Variants in ANKRD26 observed in about 807,000 individuals in gnomAD.
ANKRD26 encodes ankyrin repeat domain 26, also known as ankyrin repeat domain-containing protein 26.
ANKRD26 carries 141 observed loss-of-function variants against 208.7 expected under a neutral mutation model. The ratio of observed to expected loss-of-function variants is 0.68; its 90% CI spans 0.59 to 0.78. The LOEUF (loss-of-function observed/expected upper bound fraction) is 0.78, where lower values mean the gene tolerates loss of function less well. Ranked by LOEUF, ANKRD26 falls within the 30% of genes least tolerant of loss-of-function variation. The probability of loss-of-function intolerance (pLI) is 0.00; values close to 1 mark genes in which losing one functional copy is unlikely to be tolerated. For missense variants in ANKRD26, 1,889 were observed against 1,938.7 expected, an observed-to-expected ratio of 0.97 and a Z score of 0.48; for synonymous variants, 636 against 660.4, an observed-to-expected ratio of 0.96 and a Z score of 0.57.
the ANKRD26 span, among the ~76,000 whole-genome samples, chr10:26,965,622 T>C: frequency 1.3e-5 from 2 of 152,070 alleles, no homozygotes; most frequent in Admixed American, 6.6e-5. Context: ...AAAGCCAAAA[T>C]TGACAAATGG....
At chr10:26,963,494 A>G in the ANKRD26 span, among the ~76,000 whole-genome samples, 1 of 152,290 alleles carries the variant, frequency 6.6e-6, no homozygotes, top group East Asian at 1.9e-4. Context: ...AGTGAAGCTG[A>G]TGATGCTACC....
intron 1 of ANKRD26, among the ~76,000 whole-genome samples, chr10:27,095,815 CTA>C (rs1445394200): frequency 2.0e-5 from 3 of 152,162 alleles, no homozygotes; most frequent in Non-Finnish European, 4.4e-5. Flanking sequence ...AGATAGTAGA[CTA>C]TGTTTTCACC....
At chr10:26,989,006 C>T (rs2052439959), downstream of ANKRD26, among the ~76,000 whole-genome samples, 1 of 152,004 alleles carries the variant, frequency 6.6e-6, no homozygotes, top group Non-Finnish European at 1.5e-5. Flanking sequence ...AATGAGGACA[C>T]AGCCCCCTTT....
At chr10:27,079,682 T>C (rs1470895808) in intron 6 of ANKRD26, among the ~76,000 whole-genome samples, 1 of 151,960 alleles carries the variant, frequency 6.6e-6, no homozygotes, top group Non-Finnish European at 1.5e-5. Context: ...GGCGAAACCC[T>C]GTCTCTACTA....
rs186437071 is a variant in ANKRD26, at chr10:27,096,632, G to A, written c.243-2833C>T. 2.6e-4 allele frequency among the ~76,000 whole-genome samples: 39 copies of A among 151,946 alleles called. 1 individual carries two copies. The highest frequency in any genetic ancestry group is 2.3e-3 in the Admixed American group (35 of 15,256). On this transcript the variant is annotated intron_variant, in intron 1 of 33. Transcript: ENST00000376087. ...TACAAAAAAAATAGCCAGGCATGGT[G>A]GTGGGTGCCTGGAATCCCAGCTGTT... is the stretch of plus-strand genomic sequence containing the variant.
At chr10:27,065,203 A>G (rs2135479168) in intron 11 of ANKRD26, among the ~76,000 whole-genome samples, 1 of 152,196 alleles carries the variant, frequency 6.6e-6, no homozygotes, top group Admixed American at 6.5e-5. Flanking sequence ...TCTCTAACCT[A>G]ATACTTTGTT....
chr10:27,048,700 A>G (rs1589280644), intron 17 of ANKRD26, 101 bp downstream of exon 17: 5 of 1,269,376 alleles, frequency 3.9e-6, no homozygotes, highest in Non-Finnish European at 5.6e-6. Context: ...TATCCCTTGC[A>G]TAGTAAAAGT....
the ANKRD26 span, among the ~76,000 whole-genome samples, chr10:26,959,790 T>C: frequency 2.6e-5 from 4 of 152,164 alleles, 1 homozygote; most frequent in South Asian, 4.1e-4. Context: ...TTGAATGCAC[T>C]GTTGAGGTTC....
intron 12 of ANKRD26, chr10:27,062,293 A>C: frequency 1.3e-6 from 1 of 791,382 alleles, no homozygotes; most frequent in African/African-American, 1.9e-5. Context: ...AAATAAAAGA[A>C]AAATAATGCT....
intron 4 of ANKRD26, among the ~76,000 whole-genome samples, chr10:27,092,202 G>C (rs534956353): frequency 6.6e-6 from 1 of 151,906 alleles, no homozygotes; most frequent in African/African-American, 2.4e-5. Context: ...ACTGATTTGT[G>C]TTGCTATTTG....
the ANKRD26 span, among the ~76,000 whole-genome samples, chr10:26,956,169 T>C: frequency 1.3e-5 from 2 of 152,176 alleles, no homozygotes; most frequent in African/African-American, 4.8e-5. Flanking sequence ...ATCTTACATA[T>C]CCTTTATCTA....
chr10:26,971,675 C>CAA (rs1170237211), downstream of ANKRD26, among the ~76,000 whole-genome samples: 6,222 of 89,272 alleles, frequency 0.07, 463 homozygotes, highest in African/African-American at 0.18. Flanking sequence ...GACCATGTCT[C>CAA]AAAAAAAAAA....
intron 5 of ANKRD26, among the ~76,000 whole-genome samples, chr10:26,979,603 A>G (rs2052278007): frequency 6.6e-6 from 1 of 152,234 alleles, no homozygotes; most frequent in Non-Finnish European, 1.5e-5. Context: ...GATTTATGAC[A>G]GATATAGTTG....
downstream of ANKRD26, chr10:26,991,840 C>G (rs59082004): frequency 1.3e-5 from 2 of 152,120 alleles, no homozygotes; most frequent in African/African-American, 4.8e-5. Flanking sequence ...GTGAGGGAGG[C>G]AGAGGAAATA....
At chr10:27,043,369 T>C in intron 20 of ANKRD26, 57 bp downstream of exon 20, 2 of 1,572,366 alleles carry the variant, frequency 1.3e-6, no homozygotes, top group Middle Eastern at 3.5e-4. Context: ...ATTTATTACA[T>C]TACATACATT....
At chr10:26,998,597 T>C (rs2052649058) in intron 4 of ANKRD26, among the ~76,000 whole-genome samples, 1 of 152,250 alleles carries the variant, frequency 6.6e-6, no homozygotes, top group Non-Finnish European at 1.5e-5. Context: ...CAAACCCAAT[T>C]GGATCTTTAT....
chr10:27,062,682 T>C (rs886102932), intron 12 of ANKRD26, among the ~76,000 whole-genome samples: 2 of 152,188 alleles, frequency 1.3e-5, no homozygotes, highest in African/African-American at 4.8e-5. Context: ...TTCCTTGATC[T>C]CTCCATAACC....
chr10:27,017,486 C>T lies in ANKRD26; in HGVS notation c.4506+16G>A, dbSNP rs1252688334. The stretch of plus-strand genomic sequence containing the variant: ...TTGCAGTGAAATGAACAAAGGCACA[C>T]TACACATAAGCTAACCTGTAAAAAT... On this transcript the variant is annotated intron_variant, in intron 30 of 33. Coordinates refer to ENST00000376087, the MANE Select transcript of ANKRD26 (RefSeq NM_014915.3). 6.2e-7 allele frequency: 1 copy of T among 1,612,418 alleles called. No individual in the cohort carries two copies. Among genetic ancestry groups the T allele is most frequent in the Non-Finnish European group, 8.5e-7 (1 of 1,179,576 alleles).
rs886046950 is a variant in ANKRD26 at position 27,100,464 on chromosome 10, G to C, written c.-138C>G. The C allele has an allele frequency of 1.1e-5, 14 of 1,302,626 alleles. No homozygotes were observed. The highest frequency in any genetic ancestry group is 1.5e-5 in the Non-Finnish European group (14 of 964,616). 80.7% of individuals were successfully genotyped at this position (1,302,626 alleles called of 1,614,324 possible). On this transcript the variant is annotated 5_prime_UTR_variant, in exon 1 of 34. Coordinates refer to ENST00000376087, the MANE Select transcript of ANKRD26 (RefSeq NM_014915.3). Reference sequence around the variant, plus strand: ...TCCGCGGTTTCCAATCTCTCCCTCCGGGTTACCAAGCAAGCGATCCCGCTA... The same window carrying C: ...TCCGCGGTTTCCAATCTCTCCCTCCCGGTTACCAAGCAAGCGATCCCGCTA...
Sources: allele counts gnomAD v4.1 joint callset (sites outside exome capture counted in the v4.1 genomes callset), GRCh38; gene constraint gnomAD v4.1.1; transcripts MANE v1.5; gene names NCBI Gene and HGNC (gene_info 2026-07-23, HGNC 2026-07-21).